The following ANKRD36B variants were observed in gnomAD, a reference collection of about 807,000 sequenced individuals.
The protein encoded by ANKRD36B is ankyrin repeat domain-containing protein 36B.
ANKRD36B carries 37 observed loss-of-function variants against 135.7 expected under a neutral mutation model. The observed-to-expected ratio is 0.27, with a 90% CI of 0.21 to 0.36. The LOEUF (loss-of-function observed/expected upper bound fraction) is 0.36, where lower values mean the gene tolerates loss of function less well. ANKRD36B is among the 10% of genes least tolerant of loss of function. ANKRD36B has a pLI of 1.00. For synonymous variants in ANKRD36B, 179 were observed against 348.1 expected, an observed-to-expected ratio of 0.51 and a Z score of 5.41; for missense variants, 549 against 1,037.1, an observed-to-expected ratio of 0.53 and a Z score of 6.46.
intron 34 of ANKRD36B, 112 bp from the exon 35 acceptor site, chr2:97,532,496 G>T: frequency 4.2e-6 from 2 of 471,586 alleles, no homozygotes; most frequent in Non-Finnish European, 3.8e-6. Flanking sequence ...GCTGAGGCGG[G>T]TGGATCACGA....
At chr2:97,581,709 T>C (rs2082644216) in intron 3 of ANKRD36B, among the ~76,000 whole-genome samples, 1 of 152,194 alleles carries the variant, frequency 6.6e-6, no homozygotes, top group Non-Finnish European at 1.5e-5. Flanking sequence ...GAAATAAAAA[T>C]ACAATGGCTT....
At chr2:97,552,090 A>C (rs1407819559) in intron 16 of ANKRD36B, among the ~76,000 whole-genome samples, 4 of 151,940 alleles carry the variant, frequency 2.6e-5, no homozygotes, top group African/African-American at 9.7e-5. Context: ...TTGCCTAAGT[A>C]TCTTGTATCC....
chr2:97,565,108 T>C (rs4434044), intron 6 of ANKRD36B, among the ~76,000 whole-genome samples: 84,081 of 151,228 alleles, frequency 0.56, 24,997 homozygotes, highest in Non-Finnish European at 0.67. Flanking sequence ...GTATTCCTTG[T>C]TATTTTATTC....
chr2:97,564,871 C>T (rs1490875544), intron 6 of ANKRD36B, among the ~76,000 whole-genome samples: 1 of 151,990 alleles, frequency 6.6e-6, no homozygotes, highest in Non-Finnish European at 1.5e-5. Context: ...TTTTTGGTTC[C>T]ATATGAAATT....
chr2:97,573,501 C>A (rs77456877), intron 6 of ANKRD36B, among the ~76,000 whole-genome samples: 318 of 146,850 alleles, frequency 2.2e-3, no homozygotes, highest in African/African-American at 3.3e-3. Context: ...CCCCATCAAG[C>A]TATCAATGAC....
At chr2:97,570,893 A>G (rs989186433) in intron 6 of ANKRD36B, among the ~76,000 whole-genome samples, 7 of 152,196 alleles carry the variant, frequency 4.6e-5, no homozygotes. Flanking sequence ...CTTTAAGGTG[A>G]TGTGACCTGT....
intron 6 of ANKRD36B, among the ~76,000 whole-genome samples, chr2:97,564,565 G>A (rs1379581943): frequency 6.6e-6 from 1 of 152,150 alleles, no homozygotes; most frequent in Non-Finnish European, 1.5e-5. Flanking sequence ...TAAAGTGTAA[G>A]GAAGGGGTCC....
At chr2:97,575,136 C>A (rs1166319503) in intron 6 of ANKRD36B, among the ~76,000 whole-genome samples, 1 of 151,878 alleles carries the variant, frequency 6.6e-6, no homozygotes, top group East Asian at 1.9e-4. Context: ...TTTGCAACAT[C>A]ACTTCCTCTG....
chr2:97,528,265 A>C lies in ANKRD36B; in HGVS notation c.2265+4046T>G, dbSNP rs1559120862. Among the ~76,000 whole-genome samples the C allele has an allele frequency of 2.1e-5, 2 of 95,212 alleles. 1 individual carries two copies. Among genetic ancestry groups the C allele is most frequent in the Non-Finnish European group, 5.6e-5 (2 of 35,968 alleles). 62.5% of individuals were successfully genotyped at this position (95,212 alleles called of 152,430 possible). A position where few individuals can be genotyped will look rare whatever the true frequency, so the allele number is the denominator to read the frequency against. ...TTAAGAAACTCACTAAAAACCGCTC[A>C]ACTACATGGAAACTGAACAACCTGC... On this transcript the variant is annotated intron_variant, in intron 35 of 43. Transcript: ENST00000359901.
intron 5 of ANKRD36B, among the ~76,000 whole-genome samples, chr2:97,578,452 C>T (rs566670832): frequency 6.6e-6 from 1 of 152,202 alleles, no homozygotes; most frequent in South Asian, 2.1e-4. Flanking sequence ...CACTGATTGT[C>T]TTCCTTGGAC....
chr2:97,578,321 G>A (rs536254394), intron 5 of ANKRD36B, among the ~76,000 whole-genome samples: 1 of 152,184 alleles, frequency 6.6e-6, no homozygotes, highest in East Asian at 1.9e-4. Flanking sequence ...CATGCTGGTA[G>A]CAAAGGTTAA....
chr2:97,587,152 G>A (rs12996456), intron 1 of ANKRD36B, among the ~76,000 whole-genome samples: 27 of 152,126 alleles, frequency 1.8e-4, no homozygotes, highest in Non-Finnish European at 2.5e-4. Flanking sequence ...CAGGCTGGGC[G>A]ACAGGGTGAG....
rs1264873211 is a variant in ANKRD36B at position 97,555,095 on chromosome 2, G to A, written c.1136C>T (p.Ala379Val). The change falls in exon 14 of 44, where the codon GCT (alanine) becomes GTT (valine). Residue 379 changes from alanine (A) to valine (V), a missense_variant. Transcript: ENST00000359901. The stretch of plus-strand genomic sequence containing the variant: ...TTGTAGTCCATCCTTTATTTCTGTA[G>A]CTGTATTCAAAGCAGAATCTGTCTT... ...SDKTDSALNT[A>V]TEIKDGLQCG... 1 of 1,611,736 alleles carries A rather than the reference G, an allele frequency of 6.2e-7. No individual in the cohort carries two copies. The highest frequency in any genetic ancestry group is 8.5e-7 in the Non-Finnish European group (1 of 1,178,694).
rs578001981 is a variant in ANKRD36B, at chr2:97,535,564, T to C, written c.2191+736A>G. 3.5e-5 allele frequency among the ~76,000 whole-genome samples: 4 copies of C among 115,268 alleles called. No individual in the cohort carries two copies. In the East Asian group the frequency reaches 8.7e-4, roughly 25 times the overall value. The allele number at this position is 115,268 out of a possible 152,430, so 75.6% of individuals were successfully genotyped here. Reference sequence around the variant, plus strand: ...GCTTAATATAATAAGTGTAACAAAATTGACCAGAACCAATAAAAGTTAAAA... The same window carrying C: ...GCTTAATATAATAAGTGTAACAAAACTGACCAGAACCAATAAAAGTTAAAA... On this transcript the variant is annotated intron_variant, in intron 34 of 43. Coordinates refer to ENST00000359901, the MANE Select transcript of ANKRD36B (RefSeq NM_001393939.1).
At position 97,543,792 on chromosome 2, in the gene ANKRD36B, G is replaced by C. The variant is rs1447052641; in HGVS notation, c.1781C>G (p.Thr594Arg). The change falls in exon 26 of 44, where the codon ACA (threonine) becomes AGA (arginine). Residue 594 changes from threonine (T) to arginine (R), a missense_variant and splice_region_variant. By Grantham distance (71) the Thr-to-Arg change is moderately conservative (BLOSUM62 -1). Coordinates refer to ENST00000359901, the MANE Select transcript of ANKRD36B (RefSeq NM_001393939.1). ...TTAAATGTGTTTTGCAAAATTACCT[G>C]TTCCAGATTGTTGTCCATCCTTTAT... is the stretch of plus-strand genomic sequence containing the variant. ...TEIKDGQQSG[T>R]VSSQKQPAWK... 5.2e-6 allele frequency: 1 copy of C among 190,970 alleles called. No homozygotes were observed. The highest frequency in any genetic ancestry group is 5.7e-5 in the East Asian group (1 of 17,572). The allele number at this position is 190,970 out of a possible 1,614,324, so 11.8% of individuals were successfully genotyped here.
rs1394523298 is a variant in ANKRD36B, at chr2:97,522,127, C to T, written c.2407+1199G>A. 8.9e-5 allele frequency among the ~76,000 whole-genome samples: 8 copies of T among 89,464 alleles called. 3 individuals are homozygous for T. The highest frequency in any genetic ancestry group is 5.0e-4 in the Admixed American group (5 of 9,956). The allele number at this position is 89,464 out of a possible 152,430, so 58.7% of individuals were successfully genotyped here. A position where few individuals can be genotyped will look rare whatever the true frequency, so the allele number is the denominator to read the frequency against. ...ACCTTGTGCTAGGCAAACATTTTTA[C>T]ATATGACACAAAATGCAAAATCTGT... is the stretch of plus-strand genomic sequence containing the variant. On this transcript the variant is annotated intron_variant, in intron 36 of 43. Coordinates refer to ENST00000359901, the MANE Select transcript of ANKRD36B (RefSeq NM_001393939.1).
intron 6 of ANKRD36B, among the ~76,000 whole-genome samples, chr2:97,562,226 C>T (rs891162709): frequency 1.3e-5 from 2 of 151,682 alleles, no homozygotes; most frequent in African/African-American, 4.8e-5. Flanking sequence ...TTATAAATAA[C>T]CAACCAATAT....
intron 8 of ANKRD36B, among the ~76,000 whole-genome samples, chr2:97,560,267 T>C (rs1461420893): frequency 6.6e-6 from 1 of 151,896 alleles, no homozygotes. Flanking sequence ...ACAGTGTTTA[T>C]GGAGTTATTA....
intron 20 of ANKRD36B, among the ~76,000 whole-genome samples, chr2:97,549,073 C>T (rs1294160612): frequency 6.3e-4 from 95 of 151,874 alleles, no homozygotes; most frequent in African/African-American, 2.2e-3. Context: ...TCTGTAAAAT[C>T]GATACTTCCT....
Sources: allele counts gnomAD v4.1 joint callset (sites outside exome capture counted in the v4.1 genomes callset), GRCh38; gene constraint gnomAD v4.1.1; transcripts MANE v1.5; gene names NCBI Gene and HGNC (gene_info 2026-07-23, HGNC 2026-07-21).